Variants in SH3RF2 observed in about 807,000 individuals in gnomAD.
SH3RF2 encodes the protein E3 ubiquitin-protein ligase SH3RF2.
A neutral mutation model predicts 59.0 loss-of-function variants in SH3RF2; 43 were observed. The ratio of observed to expected loss-of-function variants is 0.73; its 90% CI spans 0.57 to 0.94. The LOEUF is 0.94. Among genes scored for constraint, SH3RF2 ranks in the 40% least tolerant of loss-of-function variants. SH3RF2 has a pLI of 0.00. For missense variants in SH3RF2, 930 were observed against 940.1 expected (o/e 0.99, Z 0.14); for synonymous variants, 391 against 391.5 (o/e 1.00, Z 0.01).
chr5:146,016,748 C>G (rs1382361145), intron 5 of SH3RF2, among the ~76,000 whole-genome samples: 1 of 152,190 alleles, frequency 6.6e-6, no homozygotes, highest in Non-Finnish European at 1.5e-5. Flanking sequence ...ATGTCTGCAG[C>G]CTCCCTTTTC....
chr5:145,993,234 G>A (rs963814547), intron 2 of SH3RF2, among the ~76,000 whole-genome samples: 2 of 152,084 alleles, frequency 1.3e-5, no homozygotes, highest in African/African-American at 2.4e-5. Flanking sequence ...GGGCAGCTTG[G>A]GTACAGCCTT....
In SH3RF2 at chr5:146,009,081, T is replaced by C. The variant is rs113119524; in HGVS notation, c.745-4666T>C. On this transcript the variant is annotated intron_variant, in intron 4 of 9. Transcript: ENST00000359120. ...TTGTTGGCAACTATGCATAAAACTG[T>C]TATAAACATTTGCATACTGGTTTTT... Among the ~76,000 whole-genome samples the C allele has an allele frequency of 9.8e-5, 15 of 152,338 alleles. 3 individuals are homozygous for C. The highest frequency in any genetic ancestry group is 3.6e-4 in the African/African-American group (15 of 41,584).
intron 5 of SH3RF2, among the ~76,000 whole-genome samples, chr5:146,036,898 G>C (rs1011214661): frequency 6.6e-6 from 1 of 152,202 alleles, no homozygotes; most frequent in Non-Finnish European, 1.5e-5. Flanking sequence ...TAGCACCGGG[G>C]AAAAGGAAGA....
At chr5:145,970,545 A>G (rs753506636) in intron 2 of SH3RF2, among the ~76,000 whole-genome samples, 4 of 152,128 alleles carry the variant, frequency 2.6e-5, no homozygotes, top group Admixed American at 6.5e-5. Flanking sequence ...GGCTGGTTCT[A>G]TATTTTTACA....
rs2150024192 is a variant in SH3RF2, at chr5:146,062,741, T to C, written c.*40T>C. On this transcript the variant is annotated 3_prime_UTR_variant, in exon 10 of 10. Transcript: ENST00000359120. The stretch of plus-strand genomic sequence containing the variant: ...TTTCCTAGACCCCAAAGAGGTGAAT[T>C]GCATTTAAATACAGTCTGCCTCCAC... 1 of 1,585,332 alleles carries C rather than the reference T, an allele frequency of 6.3e-7. No homozygotes were observed. The highest frequency in any genetic ancestry group is 1.2e-5 in the South Asian group (1 of 86,170).
chr5:146,062,697 A>G lies in SH3RF2; in HGVS notation c.2186A>G (p.Lys729Arg). The change falls in exon 10 of 10, where the codon AAA (lysine) becomes AGA (arginine). Residue 729 changes from lysine to arginine, a missense_variant. By Grantham distance (26) the Lys-to-Arg change is conservative (BLOSUM62 2). Coordinates refer to ENST00000359120, the MANE Select transcript of SH3RF2 (RefSeq NM_152550.4). ...ASGTQTVFPS[K>R] ...GGCACGCAGACCGTGTTTCCCAGCA[A>G]ATGAACCTACGGGTGGCTTTTCCTA... The G allele has an allele frequency of 6.2e-7, 1 of 1,612,294 alleles. No homozygotes were observed. Among genetic ancestry groups the G allele is most frequent in the Non-Finnish European group, 8.5e-7 (1 of 1,178,528 alleles).
At chr5:146,064,739 GA>G (rs1164909528), downstream of SH3RF2, among the ~76,000 whole-genome samples, 1 of 8,170 alleles carries the variant, frequency 1.2e-4, no homozygotes, top group Non-Finnish European at 3.9e-4. Context: ...AGGAAGGAAG[GA>G]AGGAAGGAAG....
At chr5:145,945,000 A>G (rs1319087638) in intron 2 of SH3RF2, among the ~76,000 whole-genome samples, 2 of 152,230 alleles carry the variant, frequency 1.3e-5, no homozygotes, top group African/African-American at 4.8e-5. Flanking sequence ...TGCAGAAACC[A>G]GTCAAGACTA....
chr5:146,055,412 C>T (rs1448735615), intron 7 of SH3RF2, among the ~76,000 whole-genome samples: 1 of 152,144 alleles, frequency 6.6e-6, no homozygotes. Flanking sequence ...AGCACTTGGC[C>T]AATACCTGGC....
At chr5:145,961,646 G>A (rs1758637816) in intron 2 of SH3RF2, among the ~76,000 whole-genome samples, 2 of 152,186 alleles carry the variant, frequency 1.3e-5, no homozygotes, top group Admixed American at 6.5e-5. Flanking sequence ...AACTGAAGTC[G>A]TGAATAGAGG....
At position 146,000,187 on chromosome 5, in the gene SH3RF2, A is replaced by G. The variant is rs1580838634; in HGVS notation, c.508A>G (p.Ile170Val). The G allele has an allele frequency of 6.2e-7, 1 of 1,613,726 alleles. No individual in the cohort carries two copies. The highest frequency in any genetic ancestry group is 8.5e-7 in the Non-Finnish European group (1 of 1,179,858). ...ENWYQGEINGISGNFPASSVE... is the reference protein window; with the variant it reads ...ENWYQGEINGVSGNFPASSVE... Reference sequence around the variant, plus strand: ...TTGGTACCAGGGGGAAATCAATGGCATCAGCGGGAACTTCCCAGCCAGCTC... The same window carrying G: ...TTGGTACCAGGGGGAAATCAATGGCGTCAGCGGGAACTTCCCAGCCAGCTC... Residue 170 changes from isoleucine (I) to valine (V), a missense_variant, in exon 3 of 10, where the codon ATC (isoleucine) becomes GTC (valine). Ile to Val is a conservative substitution (Grantham distance 29). Transcript: ENST00000359120.
At chr5:146,077,744 C>A (rs1463510723) in intron 9 of SH3RF2, among the ~76,000 whole-genome samples, 1 of 152,234 alleles carries the variant, frequency 6.6e-6, no homozygotes, top group East Asian at 1.9e-4. Context: ...TTTTCTAGGA[C>A]CCCTTTCAAG....
intron 2 of SH3RF2, among the ~76,000 whole-genome samples, chr5:145,955,163 G>C (rs1435813448): frequency 1.3e-5 from 2 of 152,182 alleles, no homozygotes; most frequent in Non-Finnish European, 2.9e-5. Flanking sequence ...GATGTAATGA[G>C]AAAGATTAAA....
At chr5:146,061,277 T>C (rs1762881220) in intron 9 of SH3RF2, among the ~76,000 whole-genome samples, 1 of 152,190 alleles carries the variant, frequency 6.6e-6, no homozygotes, top group Non-Finnish European at 1.5e-5. Flanking sequence ...AGTTGACACA[T>C]ACGTGTGGAG....
intron 2 of SH3RF2, among the ~76,000 whole-genome samples, chr5:145,966,226 T>C (rs760859966): frequency 2.6e-5 from 4 of 152,176 alleles, no homozygotes; most frequent in East Asian, 1.9e-4. Flanking sequence ...GTGAGAAGGA[T>C]TGGGTGAGGA....
intron 4 of SH3RF2, among the ~76,000 whole-genome samples, chr5:146,008,652 A>C (rs868780756): frequency 4.7e-4 from 72 of 152,252 alleles, no homozygotes; most frequent in African/African-American, 1.7e-3. Flanking sequence ...ACATACAGTA[A>C]AATTTACTCT....
chr5:145,955,043 A>G (rs1016603074), intron 2 of SH3RF2, among the ~76,000 whole-genome samples: 2 of 152,188 alleles, frequency 1.3e-5, no homozygotes, highest in Non-Finnish European at 2.9e-5. Context: ...CCATGATCCA[A>G]TCGCCTCCCA....
Position 146,007,577 on chromosome 5 carries a change from G to C in SH3RF2, c.744+3424G>C, listed in dbSNP as rs114756202. ...GTTGCCTGGTCTCCTGCATTATCTT[G>C]AGATTCTTCTTCATAAGTCTGGGCT... is the stretch of plus-strand genomic sequence containing the variant. On this transcript the variant is annotated intron_variant, in intron 4 of 9. Coordinates refer to ENST00000359120, the MANE Select transcript of SH3RF2 (RefSeq NM_152550.4). Among the ~76,000 whole-genome samples, 123 of 152,250 alleles carry C rather than the reference G, an allele frequency of 8.1e-4. 1 individual carries two copies. The highest frequency in any genetic ancestry group is 1.6e-3 in the Non-Finnish European group (107 of 68,018).
intron 2 of SH3RF2, among the ~76,000 whole-genome samples, chr5:145,955,865 T>C (rs1284668468): frequency 6.6e-6 from 1 of 152,030 alleles, no homozygotes; most frequent in Non-Finnish European, 1.5e-5. Context: ...ACAGGGTAGG[T>C]TTAGTTATGG....
Sources: gnomAD v4.1 joint callset for allele counts (sites outside exome capture counted in the v4.1 genomes callset) on GRCh38, gnomAD v4.1.1 for gene constraint, MANE v1.5 for transcripts, NCBI Gene and HGNC (gene_info 2026-07-23, HGNC 2026-07-21) for gene names.